The following ZNF609 variants were observed in gnomAD, a reference collection of about 807,000 sequenced individuals.
ZNF609 encodes the protein zinc finger protein 609.
A neutral mutation model predicts 109.5 loss-of-function variants in ZNF609; 11 were observed. That is an observed-to-expected ratio of 0.10 (90% CI 0.06 to 0.17). The LOEUF is 0.17. Ranked by LOEUF, ZNF609 falls within the 10% of genes least tolerant of loss-of-function variation. ZNF609 has a pLI of 1.00. For synonymous variants in ZNF609, 646 were observed against 662.0 expected (o/e 0.98, Z 0.37); for missense variants, 1,559 against 1,772.4 (o/e 0.88, Z 2.16).
chr15:64,514,710 T>G lies in ZNF609; in HGVS notation c.747+14544T>G, dbSNP rs376815681. ...CTAGAGTGCAGTGGCGCGATCTGGATTCACTGCAACCTCTGCCTCCCCGAT... is the reference window on the plus strand; with the variant it reads ...CTAGAGTGCAGTGGCGCGATCTGGAGTCACTGCAACCTCTGCCTCCCCGAT... On this transcript the variant is annotated intron_variant, in intron 2 of 9. Coordinates refer to ENST00000326648, the MANE Select transcript of ZNF609 (RefSeq NM_015042.2). Among the ~76,000 whole-genome samples the G allele has an allele frequency of 1.2e-4, 18 of 151,852 alleles. No individual in the cohort carries two copies. The East Asian group carries it at 2.3e-3, about 20-fold the overall frequency.
intron 1 of ZNF609, among the ~76,000 whole-genome samples, chr15:64,490,896 C>T (rs1381836911): frequency 2.6e-5 from 4 of 152,112 alleles, no homozygotes; most frequent in Admixed American, 2.6e-4. Flanking sequence ...AGAATAGCAG[C>T]CTTTGAGGAC....
intron 3 of ZNF609, among the ~76,000 whole-genome samples, chr15:64,649,436 A>G (rs190163509): frequency 1.2e-3 from 180 of 152,206 alleles, no homozygotes; most frequent in African/African-American, 3.8e-3. Flanking sequence ...ATGCTGCTGG[A>G]AATTTGGGGA....
At chr15:64,520,389 C>T (rs1199566057) in intron 2 of ZNF609, among the ~76,000 whole-genome samples, 2 of 152,072 alleles carry the variant, frequency 1.3e-5, no homozygotes, top group Admixed American at 1.3e-4. Context: ...GCACTATTTG[C>T]TAAAATATTG....
intron 2 of ZNF609, among the ~76,000 whole-genome samples, chr15:64,592,201 G>C (rs1320270857): frequency 1.3e-5 from 2 of 152,022 alleles, no homozygotes; most frequent in African/African-American, 4.8e-5. Flanking sequence ...TCTCAGCCTT[G>C]TTTATACAAG....
At chr15:64,647,228 A>G (rs1444444173) in intron 3 of ZNF609, among the ~76,000 whole-genome samples, 2 of 152,080 alleles carry the variant, frequency 1.3e-5, no homozygotes. Flanking sequence ...AAGGACAAAT[A>G]TTGTATTTTT....
intron 3 of ZNF609, among the ~76,000 whole-genome samples, chr15:64,626,244 C>T (rs1020886168): frequency 2.0e-5 from 3 of 152,006 alleles, no homozygotes; most frequent in African/African-American, 7.3e-5. Flanking sequence ...TTTCTGGTCA[C>T]CCCAGAGGGC....
intron 1 of ZNF609, among the ~76,000 whole-genome samples, chr15:64,462,860 G>T (rs1428734406): frequency 6.6e-6 from 1 of 152,218 alleles, no homozygotes; most frequent in African/African-American, 2.4e-5. Flanking sequence ...GGGTCTTAGG[G>T]ATTATTAGTG....
intron 3 of ZNF609, among the ~76,000 whole-genome samples, chr15:64,628,803 T>G (rs1246264451): frequency 2.6e-5 from 4 of 152,080 alleles, no homozygotes; most frequent in Non-Finnish European, 5.9e-5. Context: ...TTTTGTATTT[T>G]CAGTAGAGAT....
Position 64,675,332 on chromosome 15 carries a change from TGTG to T in ZNF609, c.2482_2484del (p.Val828del). 8.7e-6 allele frequency: 14 copies of T among 1,613,952 alleles called. No individual in the cohort carries two copies. Among genetic ancestry groups the T allele is most frequent in the Non-Finnish European group, 1.2e-5 (14 of 1,179,906 alleles). On this transcript the variant is annotated inframe_deletion, in exon 5 of 10. Coordinates refer to ENST00000326648, the MANE Select transcript of ZNF609 (RefSeq NM_015042.2). The stretch of plus-strand genomic sequence containing the variant: ...CTACTCAGCCCCTGACTCCCTTACA[TGTG>T]GTGACCCAGAATGGAGCTGAAGCCA...
chr15:64,680,154 C>G (rs1209767350), intron 6 of ZNF609, 31 bp from the exon 7 acceptor site: 2 of 1,611,430 alleles, frequency 1.2e-6, no homozygotes, highest in East Asian at 4.5e-5. Context: ...CCTCTCCCAT[C>G]TCTTTGACTG....
intron 2 of ZNF609, among the ~76,000 whole-genome samples, chr15:64,557,384 G>C (rs1360521678): frequency 6.6e-6 from 1 of 152,054 alleles, no homozygotes; most frequent in African/African-American, 2.4e-5. Context: ...TTGTGAAACT[G>C]TGCAGATGTA....
chr15:64,648,106 C>T (rs527790490), intron 3 of ZNF609, among the ~76,000 whole-genome samples: 25 of 152,246 alleles, frequency 1.6e-4, no homozygotes, highest in Non-Finnish European at 3.2e-4. Context: ...AAGTGCAGTG[C>T]GTAAACCATT....
At chr15:64,573,219 C>CTT (rs757661525) in intron 2 of ZNF609, among the ~76,000 whole-genome samples, 3 of 138,846 alleles carry the variant, frequency 2.2e-5, no homozygotes, top group African/African-American at 2.6e-5. Context: ...GGAGTTTGAT[C>CTT]TTTTTTTTTT....
intron 3 of ZNF609, among the ~76,000 whole-genome samples, chr15:64,650,172 G>C (rs1370851394): frequency 6.6e-6 from 1 of 151,510 alleles, no homozygotes; most frequent in East Asian, 1.9e-4. Flanking sequence ...GGGAGGCCGA[G>C]GCCGGTGGAT....
intron 3 of ZNF609, among the ~76,000 whole-genome samples, chr15:64,639,431 C>G (rs937686909): frequency 2.6e-5 from 4 of 152,240 alleles, no homozygotes; most frequent in African/African-American, 9.6e-5. Context: ...GACCATCTGT[C>G]TCCTGCAGCT....
intron 2 of ZNF609, among the ~76,000 whole-genome samples, chr15:64,572,897 G>A (rs1027050284): frequency 1.4e-4 from 22 of 152,102 alleles, no homozygotes; most frequent in Non-Finnish European, 1.9e-4. Context: ...GCAAAACTCC[G>A]TCTTGAGAAA....
chr15:64,675,920 C>A lies in ZNF609; in HGVS notation c.3066C>A (p.Asp1022Glu). 6.2e-7 allele frequency: 1 copy of A among 1,614,130 alleles called. No homozygotes were observed. ...TAGAGCAGCAGCAGCGGGGAGTGGA[C>A]AAGAAGGCAGAGATGGGCCTGAAGG... ...QSLEQQQRGV[D>E]KKAEMGLKER... Residue 1022 changes from aspartate to glutamate, a missense_variant, in exon 5 of 10, where the codon GAC becomes GAA. By Grantham distance (45) the Asp-to-Glu change is conservative. This residue lies in a region of ZNF609 where 1,204 missense variants were observed against 1,314.1 expected (regional missense o/e 0.92). Transcript: ENST00000326648.
chr15:64,642,981 A>C (rs1160676655), intron 3 of ZNF609, among the ~76,000 whole-genome samples: 1 of 152,154 alleles, frequency 6.6e-6, no homozygotes, highest in African/African-American at 2.4e-5. Flanking sequence ...TTCTGAATAT[A>C]TTTACCCTTT....
intron 2 of ZNF609, among the ~76,000 whole-genome samples, chr15:64,572,744 T>C (rs1205674793): frequency 6.6e-6 from 1 of 151,922 alleles, no homozygotes; most frequent in East Asian, 1.9e-4. Context: ...AAATACAAAA[T>C]TAGCCGGGCA....
Sources: gnomAD v4.1 joint callset for allele counts (sites outside exome capture counted in the v4.1 genomes callset) on GRCh38, gnomAD v4.1.1 for gene constraint, gnomAD v4.1.1 regional missense constraint, MANE v1.5 for transcripts, NCBI Gene and HGNC (gene_info 2026-07-23, HGNC 2026-07-21) for gene names.